Variants in ASPSCR1 observed in about 807,000 individuals in gnomAD.
The protein encoded by ASPSCR1 is tether containing UBX domain for GLUT4.
In ASPSCR1, 55 loss-of-function variants were observed where a neutral mutation model predicts 68.9. The observed-to-expected ratio is 0.80, with a 90% CI of 0.64 to 1.00. The LOEUF is 1.00. ASPSCR1 is among the 50% of genes least tolerant of loss of function. The pLI, the probability that ASPSCR1 is intolerant of heterozygous loss-of-function variation, is 0.00. For synonymous variants in ASPSCR1, 352 were observed against 332.6 expected (o/e 1.06, Z -0.63); for missense variants, 765 against 762.2 (o/e 1.00, Z -0.04).
chr17:82,001,036 C>T (rs531553262), intron 7 of ASPSCR1, among the ~76,000 whole-genome samples: 8 of 152,320 alleles, frequency 5.3e-5, no homozygotes, highest in African/African-American at 9.6e-5. Flanking sequence ...CTCCTGGAGC[C>T]GGGGCCTGGG....
rs755649427 is a variant in ASPSCR1 at position 81,995,964 on chromosome 17, G to A, written c.433-28G>A. 6.9e-6 allele frequency: 11 copies of A among 1,601,880 alleles called. No homozygotes were observed. In the South Asian group the frequency reaches 1.2e-4, roughly 18 times the overall value. ...GGGCTCTGGGGTCCCGGTGCAAGGC[G>A]CACCTGTCCTGGCTGCTCCTCCTGC... On this transcript the variant is annotated intron_variant, in intron 5 of 15. Coordinates refer to ENST00000306739, the MANE Select transcript of ASPSCR1 (RefSeq NM_024083.4).
chr17:82,007,163 G>A (rs1212474282), intron 7 of ASPSCR1: 6 of 152,320 alleles, frequency 3.9e-5, no homozygotes, highest in African/African-American at 2.4e-5. Flanking sequence ...AGGCTCCAGC[G>A]AGGCTGCTCC....
chr17:82,015,450 G>A (rs2144105749), intron 12 of ASPSCR1: 1 of 1,435,186 alleles, frequency 7.0e-7, no homozygotes, highest in Non-Finnish European at 9.3e-7. Context: ...CCCTCTCCTG[G>A]TGTTCCCGAG....
At chr17:82,009,631 T>C (rs372787842) in intron 9 of ASPSCR1, 64 bp downstream of exon 9, 9,858 of 318,990 alleles carry the variant, frequency 0.031, 6 homozygotes, top group African/African-American at 0.058. Flanking sequence ...GTGAGGTCTG[T>C]GGACGGGATG....
At chr17:82,011,007 T>A in intron 10 of ASPSCR1, 139 bp downstream of exon 10, 1 of 1,018,876 alleles carries the variant, frequency 9.8e-7, no homozygotes, top group Non-Finnish European at 1.4e-6. Flanking sequence ...GGTGCTGATG[T>A]CCCCTTGGGG....
intron 12 of ASPSCR1, chr17:82,013,219 C>T (rs947467940): frequency 2.0e-5 from 3 of 152,304 alleles, no homozygotes; most frequent in Non-Finnish European, 1.5e-5. Flanking sequence ...CGGGCGGACT[C>T]CGGGCCTCCT....
chr17:82,010,895 G>A, intron 10 of ASPSCR1, 27 bp downstream of exon 10: 1 of 1,607,642 alleles, frequency 6.2e-7, no homozygotes, highest in East Asian at 2.2e-5. Flanking sequence ...GGTGTCCGGG[G>A]ATGGGGGGCA....
chr17:81,996,413 C>T lies in ASPSCR1; in HGVS notation c.507-7C>T. 6.3e-7 allele frequency: 1 copy of T among 1,575,098 alleles called. No homozygotes were observed. The highest frequency in any genetic ancestry group is 8.6e-7 in the Non-Finnish European group (1 of 1,156,442). On this transcript the variant is annotated splice_polypyrimidine_tract_variant and splice_region_variant and intron_variant, in intron 6 of 15. Coordinates refer to ENST00000306739, the MANE Select transcript of ASPSCR1 (RefSeq NM_024083.4). ...AGGTGCTTCCCTTGTCCTCTGGCCC[C>T]ACTCAGGTTTGTCATGAAGTGCTAC... is the stretch of plus-strand genomic sequence containing the variant.
At chr17:81,984,945 A>G (rs1598389588) in intron 3 of ASPSCR1, among the ~76,000 whole-genome samples, 1 of 77,734 alleles carries the variant, frequency 1.3e-5, no homozygotes. Flanking sequence ...ACCCGCACAC[A>G]CCCGCACACA....
At chr17:82,016,361 A>G (rs1598440295) in intron 12 of ASPSCR1, 115 bp from the exon 13 acceptor site, 2 of 929,500 alleles carry the variant, frequency 2.2e-6, no homozygotes, top group South Asian at 3.2e-5. Flanking sequence ...GGGGCCGGGC[A>G]GGCAGAGCCT....
intron 15 of ASPSCR1, 52 bp downstream of exon 15, chr17:82,017,165 G>T: frequency 6.4e-7 from 1 of 1,567,030 alleles, no homozygotes. Flanking sequence ...GAGGGCGGGG[G>T]TCCGGGTGCT....
At position 81,983,567 on chromosome 17, in the gene ASPSCR1, G is replaced by A. The variant is rs748811968; in HGVS notation, c.172G>A (p.Val58Met). ...TCTGTCTTGCAGGTTTCAGAGGAGC[G>A]TGCTCGACCTTTCTCTCCAGTGGAG... ...CEYDLKFQRS[V>M]LDLSLQWRFA... Residue 58 changes from valine to methionine, a missense_variant, in exon 3 of 16, where the codon GTG (valine) becomes ATG (methionine). Transcript: ENST00000306739. The surrounding 1 kb of genome is among the most constrained non-coding windows in gnomAD (Gnocchi z 4.4). 1.3e-5 allele frequency: 21 copies of A among 1,612,574 alleles called. No individual in the cohort carries two copies. The highest frequency in any genetic ancestry group is 2.2e-5 in the East Asian group (1 of 44,842).
chr17:81,995,951 C>T, intron 5 of ASPSCR1, 41 bp from the exon 6 acceptor site: 1 of 1,590,002 alleles, frequency 6.3e-7, no homozygotes, highest in Non-Finnish European at 8.6e-7. Context: ...GCTCTGGGGT[C>T]CCGGTGCAAG....
intron 7 of ASPSCR1, among the ~76,000 whole-genome samples, chr17:82,003,649 G>A (rs1486425550): frequency 2.0e-5 from 3 of 152,266 alleles, no homozygotes; most frequent in African/African-American, 7.2e-5. Context: ...TGTTCCCCGT[G>A]CTTTGGATGT....
At chr17:81,993,195 G>T (rs775743381) in intron 4 of ASPSCR1, among the ~76,000 whole-genome samples, 1 of 152,024 alleles carries the variant, frequency 6.6e-6, no homozygotes, top group Non-Finnish European at 1.5e-5. Flanking sequence ...GGCAAGTCCT[G>T]CCCTTTTTTT....
chr17:82,011,632 C>T (rs756835393), intron 11 of ASPSCR1, 27 bp downstream of exon 11: 3 of 1,603,320 alleles, frequency 1.9e-6, no homozygotes, highest in South Asian at 2.2e-5. Flanking sequence ...GAGCCCACTC[C>T]TGCCTCCAGT....
At chr17:82,010,083 TG>T in intron 9 of ASPSCR1, 1 of 283,770 alleles carries the variant, frequency 3.5e-6, no homozygotes, top group Non-Finnish European at 6.9e-6. Context: ...GGCTAATTTT[TG>T]TTGTTTTTTT....
intron 13 of ASPSCR1, 74 bp downstream of exon 13, chr17:82,016,601 G>A (rs372544716): frequency 6.5e-7 from 1 of 1,535,716 alleles, no homozygotes. Flanking sequence ...AGCTGCCCGG[G>A]AGGGCGTTCG....
chr17:82,008,825 C>T (rs1025735670), intron 7 of ASPSCR1: 3 of 568,196 alleles, frequency 5.3e-6, no homozygotes, highest in African/African-American at 4.0e-5. Flanking sequence ...GGTCTCCAGC[C>T]CTGGACAGGC....
Sources: allele counts gnomAD v4.1 joint callset (sites outside exome capture counted in the v4.1 genomes callset), GRCh38; gene constraint gnomAD v4.1.1; non-coding constraint Gnocchi (gnomAD v3.1); transcripts MANE v1.5; gene names NCBI Gene and HGNC (gene_info 2026-07-23, HGNC 2026-07-21).